C10orf90: variants seen among roughly 807,000 people sequenced by gnomAD.
C10orf90 encodes the protein chromosome 10 open reading frame 90.
C10orf90 carries 56 observed loss-of-function variants against 62.5 expected under a neutral mutation model. The observed-to-expected ratio is 0.90, with a 90% CI of 0.72 to 1.12. C10orf90 has a LOEUF of 1.12. Among genes scored for constraint, C10orf90 ranks in the 50% most tolerant of loss-of-function variants. C10orf90 has a pLI of 0.00. For missense variants in C10orf90, 970 were observed against 880.4 expected (o/e 1.10, Z -1.29); for synonymous variants, 386 against 340.4 (o/e 1.13, Z -1.47).
At chr10:126,594,815 G>A (rs548139243) in intron 2 of C10orf90, among the ~76,000 whole-genome samples, 2 of 152,116 alleles carry the variant, frequency 1.3e-5, no homozygotes, top group African/African-American at 4.8e-5. Context: ...GAAAGAGAAG[G>A]GATATGGCCA....
chr10:126,664,788 A>T (rs1564915765), intron 1 of C10orf90, among the ~76,000 whole-genome samples: 1 of 152,172 alleles, frequency 6.6e-6, no homozygotes, highest in Non-Finnish European at 1.5e-5. Flanking sequence ...CACTCACCAG[A>T]TTTCAGATAT....
chr10:126,660,881 T>G (rs932003474), intron 1 of C10orf90, among the ~76,000 whole-genome samples: 1 of 152,216 alleles, frequency 6.6e-6, no homozygotes, highest in East Asian at 1.9e-4. Flanking sequence ...AATTTGTGCA[T>G]GGTGATCATT....
At chr10:126,557,228 G>A (rs1280298489) in intron 2 of C10orf90, among the ~76,000 whole-genome samples, 1 of 151,858 alleles carries the variant, frequency 6.6e-6, no homozygotes, top group African/African-American at 2.4e-5. Flanking sequence ...ACACCTGTAA[G>A]CCCAGCACTT....
intron 2 of C10orf90, among the ~76,000 whole-genome samples, chr10:126,569,687 T>C (rs1249707914): frequency 6.6e-6 from 1 of 151,814 alleles, no homozygotes. Context: ...AAGTGTGGAG[T>C]CTTATCTCTC....
chr10:126,436,020 T>C (rs917423933), intron 7 of C10orf90, among the ~76,000 whole-genome samples: 11 of 152,294 alleles, frequency 7.2e-5, no homozygotes, highest in African/African-American at 2.2e-4. Context: ...GGGTTCCCCA[T>C]AAAACCTATA....
At chr10:126,526,011 C>A (rs1863930677) in intron 2 of C10orf90, among the ~76,000 whole-genome samples, 1 of 138,204 alleles carries the variant, frequency 7.2e-6, no homozygotes, top group Non-Finnish European at 1.5e-5. Flanking sequence ...ATAGCTTGTC[C>A]ACACCTGCCA....
chr10:126,527,576 G>A (rs921364318), intron 2 of C10orf90, among the ~76,000 whole-genome samples: 1 of 152,242 alleles, frequency 6.6e-6, no homozygotes, highest in Non-Finnish European at 1.5e-5. Context: ...AGGGGGCTGA[G>A]AGAATGTTCT....
intron 2 of C10orf90, among the ~76,000 whole-genome samples, chr10:126,639,569 G>A (rs950521358): frequency 1.3e-5 from 2 of 152,122 alleles, no homozygotes; most frequent in African/African-American, 4.8e-5. Flanking sequence ...ATGAGACACG[G>A]GGCCTCCTGG....
intron 1 of C10orf90, among the ~76,000 whole-genome samples, chr10:126,663,838 G>T (rs979300432): frequency 6.6e-6 from 1 of 152,134 alleles, no homozygotes; most frequent in Admixed American, 6.5e-5. Flanking sequence ...GAACCCAGGG[G>T]TCTGAATTCT....
chr10:126,548,462 G>A (rs1307005618), intron 2 of C10orf90, among the ~76,000 whole-genome samples: 1 of 152,106 alleles, frequency 6.6e-6, no homozygotes, highest in Non-Finnish European at 1.5e-5. Flanking sequence ...CGCCTCCCAG[G>A]TTCAAGCGAT....
intron 6 of C10orf90, 73 bp from the exon 7 acceptor site, chr10:126,459,290 G>A (rs1195466298): frequency 1.5e-5 from 23 of 1,553,522 alleles, no homozygotes; most frequent in Non-Finnish European, 2.0e-5. Context: ...GTCTGATGCA[G>A]CCAAGAAGCC....
intron 2 of C10orf90, among the ~76,000 whole-genome samples, chr10:126,528,821 C>G (rs773568514): frequency 6.6e-6 from 1 of 152,200 alleles, no homozygotes. Context: ...ACAACAGCAG[C>G]CCCTTTGTAT....
Position 126,456,977 on chromosome 10 carries a change from T to C in C10orf90, c.2188+2063A>G, listed in dbSNP as rs914668055. On this transcript the variant is annotated intron_variant, in intron 7 of 9. Coordinates refer to ENST00000488181, the MANE Select transcript of C10orf90 (RefSeq NM_001350921.2). This position sits in a 1 kb window ranked among gnomAD's most constrained non-coding sequence, Gnocchi z 4.9. ...TAAGTTTCTGGGCTTGTTTTGTTTT[T>C]GTTTTTGCTTTTGTATTTTGCTTTT... 5.3e-5 allele frequency among the ~76,000 whole-genome samples: 8 copies of C among 152,172 alleles called. No homozygotes were observed. Among genetic ancestry groups the C allele is most frequent in the African/African-American group, 1.7e-4 (7 of 41,440 alleles).
chr10:126,539,831 A>G (rs954686778), intron 2 of C10orf90, among the ~76,000 whole-genome samples: 5 of 152,204 alleles, frequency 3.3e-5, no homozygotes, highest in Admixed American at 1.3e-4. Flanking sequence ...GCTAAATAAT[A>G]AAACTTTAGA....
chr10:126,544,847 G>A lies in C10orf90; in HGVS notation c.314-30908C>T, dbSNP rs1169976995. ...CCCATTTGTACTGCCAAAAGTGGTG[G>A]GGAGGACTTTGATTGCCTGATGATT... On this transcript the variant is annotated intron_variant, in intron 2 of 9. Transcript: ENST00000488181. Among the ~76,000 whole-genome samples, 15 of 19,064 alleles carry A rather than the reference G, an allele frequency of 7.9e-4. 1 individual carries two copies. Among genetic ancestry groups the A allele is most frequent in the Admixed American group, 5.5e-3 (14 of 2,530 alleles). The allele number at this position is 19,064 out of a possible 152,430, so 12.5% of individuals were successfully genotyped here. A position where few individuals can be genotyped will look rare whatever the true frequency, so the allele number is the denominator to read the frequency against.
At chr10:126,543,845 T>C (rs1280600558) in intron 2 of C10orf90, among the ~76,000 whole-genome samples, 3 of 152,200 alleles carry the variant, frequency 2.0e-5, no homozygotes, top group Non-Finnish European at 4.4e-5. Flanking sequence ...AAGGTTGGTA[T>C]CAATGTGACC....
chr10:126,513,121 A>G (rs1863234563), intron 3 of C10orf90, among the ~76,000 whole-genome samples: 1 of 152,186 alleles, frequency 6.6e-6, no homozygotes, highest in Non-Finnish European at 1.5e-5. Flanking sequence ...CATCTTGGAC[A>G]GTTTTTTAAG....
chr10:126,523,203 G>A (rs971462277), intron 2 of C10orf90, among the ~76,000 whole-genome samples: 7 of 152,180 alleles, frequency 4.6e-5, no homozygotes, highest in Non-Finnish European at 8.8e-5. Context: ...TGGCAGCCAG[G>A]GTGGGTTGTT....
At chr10:126,430,956 A>G (rs1006662572) in intron 7 of C10orf90, among the ~76,000 whole-genome samples, 3 of 152,242 alleles carry the variant, frequency 2.0e-5, no homozygotes, top group Non-Finnish European at 4.4e-5. Flanking sequence ...CTGGAGAAAC[A>G]TAACACAGCT....
Sources: allele counts gnomAD v4.1 joint callset (sites outside exome capture counted in the v4.1 genomes callset), GRCh38; gene constraint gnomAD v4.1.1; non-coding constraint Gnocchi (gnomAD v3.1); transcripts MANE v1.5; gene names NCBI Gene and HGNC (gene_info 2026-07-23, HGNC 2026-07-21).